ASIC2: variants seen among roughly 807,000 people sequenced by gnomAD.
The protein encoded by ASIC2 is acid-sensing ion channel 2.
In ASIC2, 25 loss-of-function variants were observed where a neutral mutation model predicts 57.3. That is an observed-to-expected ratio of 0.44 (90% CI 0.32 to 0.61). The LOEUF is 0.61. Among genes scored for constraint, ASIC2 ranks in the 20% least tolerant of loss-of-function variants. ASIC2 has a pLI of 0.06. For missense variants in ASIC2, 641 were observed against 738.1 expected (o/e 0.87, Z 1.52); for synonymous variants, 319 against 307.5 (o/e 1.04, Z -0.39).
intron 1 of ASIC2, among the ~76,000 whole-genome samples, chr17:33,409,632 G>C (rs566081671): frequency 6.6e-6 from 1 of 152,344 alleles, no homozygotes; most frequent in East Asian, 1.9e-4. Context: ...GTGGTTAGGA[G>C]AGGAGCGTTT....
At chr17:34,077,691 A>G (rs752103759) in intron 1 of ASIC2, among the ~76,000 whole-genome samples, 1 of 152,042 alleles carries the variant, frequency 6.6e-6, no homozygotes, top group Non-Finnish European at 1.5e-5. Context: ...GTGAGATGTT[A>G]ATTGCGTCCT....
chr17:34,109,959 A>G (rs1326918999), intron 1 of ASIC2, among the ~76,000 whole-genome samples: 2 of 151,682 alleles, frequency 1.3e-5, no homozygotes, highest in Non-Finnish European at 2.9e-5. Flanking sequence ...TGTGTGTGAG[A>G]GAGAAAGAGA....
At chr17:33,702,888 G>A (rs575555231) in intron 1 of ASIC2, among the ~76,000 whole-genome samples, 2 of 152,210 alleles carry the variant, frequency 1.3e-5, no homozygotes, top group African/African-American at 4.8e-5. Context: ...CAGGAACTAG[G>A]GGCATTAGGT....
intron 1 of ASIC2, among the ~76,000 whole-genome samples, chr17:33,161,969 A>G (rs914829235): frequency 2.7e-5 from 4 of 149,628 alleles, no homozygotes; most frequent in Admixed American, 2.0e-4. Flanking sequence ...AGGTAAAGAC[A>G]CTAGCCGTTC....
chr17:33,265,039 G>A (rs1285766207), intron 1 of ASIC2, among the ~76,000 whole-genome samples: 1 of 152,224 alleles, frequency 6.6e-6, no homozygotes, highest in East Asian at 1.9e-4. Context: ...GGAGCTAAAG[G>A]TGAAGAACCA....
intron 1 of ASIC2, among the ~76,000 whole-genome samples, chr17:33,683,464 C>T (rs2142059023): frequency 6.6e-6 from 1 of 152,354 alleles, no homozygotes; most frequent in Admixed American, 6.5e-5. Flanking sequence ...CTTGACCTCC[C>T]TGGCTCAAGT....
chr17:33,139,330 G>A (rs1308497399), intron 1 of ASIC2, among the ~76,000 whole-genome samples: 1 of 152,200 alleles, frequency 6.6e-6, no homozygotes, highest in African/African-American at 2.4e-5. Context: ...TGGTGAGGAT[G>A]GAGCTGTTTC....
intron 3 of ASIC2, among the ~76,000 whole-genome samples, chr17:33,031,368 T>G (rs1295127536): frequency 6.6e-6 from 1 of 152,186 alleles, no homozygotes; most frequent in East Asian, 1.9e-4. Context: ...TGTCTTTTCA[T>G]GTCTGATTAC....
At chr17:33,975,690 T>C (rs1478292439) in intron 1 of ASIC2, among the ~76,000 whole-genome samples, 1 of 152,126 alleles carries the variant, frequency 6.6e-6, no homozygotes, top group Non-Finnish European at 1.5e-5. Context: ...TCTGGTCCCA[T>C]CAATAATTTC....
At chr17:33,455,926 G>T (rs1597734035) in intron 1 of ASIC2, among the ~76,000 whole-genome samples, 1 of 152,278 alleles carries the variant, frequency 6.6e-6, no homozygotes, top group Admixed American at 6.5e-5. Flanking sequence ...AGGCCGTGTT[G>T]TCCAATGGTG....
intron 1 of ASIC2, among the ~76,000 whole-genome samples, chr17:34,145,805 G>A (rs1040928924): frequency 6.6e-6 from 1 of 152,174 alleles, no homozygotes; most frequent in African/African-American, 2.4e-5. Context: ...CATCACCTCT[G>A]GTCAGCCATA....
At chr17:33,624,502 C>T (rs1269205733) in intron 1 of ASIC2, among the ~76,000 whole-genome samples, 1 of 152,196 alleles carries the variant, frequency 6.6e-6, no homozygotes, top group Non-Finnish European at 1.5e-5. Context: ...CACGTTTTCT[C>T]CTTTTCTCTA....
At chr17:34,136,829 A>G (rs910657515) in intron 1 of ASIC2, among the ~76,000 whole-genome samples, 1 of 152,174 alleles carries the variant, frequency 6.6e-6, no homozygotes, top group African/African-American at 2.4e-5. Context: ...AGCACAGACA[A>G]TACTCAAACA....
intron 1 of ASIC2, among the ~76,000 whole-genome samples, chr17:33,951,872 G>A (rs1277790227): frequency 6.6e-6 from 1 of 151,904 alleles, no homozygotes; most frequent in Non-Finnish European, 1.5e-5. Context: ...GGGATTACAG[G>A]TGTGAGCCAC....
intron 2 of ASIC2, among the ~76,000 whole-genome samples, chr17:33,105,845 T>A (rs1232530671): frequency 3.9e-5 from 6 of 152,336 alleles, no homozygotes; most frequent in Admixed American, 2.0e-4. Context: ...CTTGCTAGGC[T>A]TTAGCAAAGA....
intron 1 of ASIC2, among the ~76,000 whole-genome samples, chr17:33,453,284 GAAAAAA>G (rs3057620): frequency 7.7e-6 from 1 of 129,656 alleles, no homozygotes; most frequent in Non-Finnish European, 1.6e-5. Flanking sequence ...CAAAGCAGGT[GAAAAAA>G]AAAAAAAAAA....
chr17:33,877,681 G>T (rs964451102), intron 1 of ASIC2, among the ~76,000 whole-genome samples: 52 of 152,358 alleles, frequency 3.4e-4, no homozygotes, highest in African/African-American at 1.1e-3. Context: ...CACCTCTGGG[G>T]GCAGGGCACA....
chr17:33,932,885 G>A (rs1915975660), intron 1 of ASIC2, among the ~76,000 whole-genome samples: 1 of 151,704 alleles, frequency 6.6e-6, no homozygotes. Context: ...ATTTTAGACT[G>A]CAGAGGTTTA....
intron 7 of ASIC2, among the ~76,000 whole-genome samples, chr17:33,018,743 G>C (rs2091820690): frequency 6.6e-6 from 1 of 152,100 alleles, no homozygotes; most frequent in African/African-American, 2.4e-5. Flanking sequence ...AGGATGGAGG[G>C]GGTTGGATGA....
Sources: gnomAD v4.1 joint callset for allele counts (sites outside exome capture counted in the v4.1 genomes callset) on GRCh38, gnomAD v4.1.1 for gene constraint, MANE v1.5 for transcripts, NCBI Gene and HGNC (gene_info 2026-07-23, HGNC 2026-07-21) for gene names.